SOX4: variants seen among roughly 807,000 people sequenced by gnomAD.
SOX4 encodes the protein transcription factor SOX-4.
For missense variants in SOX4, 662 were observed against 694.9 expected (o/e 0.95, Z 0.53); for synonymous variants, 465 against 348.4 (o/e 1.33, Z -3.73).
Position 21,596,074 on chromosome 6 carries a change from G to T in SOX4, c.*115G>T. On this transcript the variant is annotated 3_prime_UTR_variant, in exon 1 of 1. Coordinates refer to ENST00000244745, the MANE Select transcript of SOX4 (RefSeq NM_003107.3). Reference sequence around the variant, plus strand: ...TTAAAGAGAAAAGGGAAAAAAGAAAGAAAAAGTAAGCAGGGCTGGCTTCGC... The same window carrying T: ...TTAAAGAGAAAAGGGAAAAAAGAAATAAAAAGTAAGCAGGGCTGGCTTCGC... The T allele has an allele frequency of 7.3e-7, 1 of 1,362,068 alleles. No individual in the cohort carries two copies. The highest frequency in any genetic ancestry group is 2.9e-5 in the East Asian group (1 of 34,080). The allele number at this position is 1,362,068 out of a possible 1,614,324, so 84.4% of individuals were successfully genotyped here.
Position 21,595,393 on chromosome 6 carries a change from C to A in SOX4, c.859C>A (p.His287Asn). 31 of 1,537,800 alleles carry A rather than the reference C, an allele frequency of 2.0e-5. No individual in the cohort carries two copies. Among genetic ancestry groups the A allele is most frequent in the Non-Finnish European group, 2.7e-5 (31 of 1,151,260 alleles). Residue 287 changes from histidine (H) to asparagine (N), a missense_variant, in exon 1 of 1, where the codon CAC (histidine) becomes AAC (asparagine). Physicochemically the swap from His to Asn is moderately conservative, Grantham distance 68. Coordinates refer to ENST00000244745, the MANE Select transcript of SOX4 (RefSeq NM_003107.3). ...CGCAGCGCTCGCGGCCCCGGGCAAG[C>A]ACCTGGCGGAGAAGAAGGTGAAGCG... ...ASAALAAPGK[H>N]LAEKKVKRVY... is the part of the protein sequence containing the mutation.
rs763925927 is a variant in SOX4, at chr6:21,595,751, T to C, written c.1217T>C (p.Leu406Pro). The change falls in exon 1 of 1, where the codon CTC becomes CCC. Residue 406 changes from leucine to proline, a missense_variant. By Grantham distance (98) the Leu-to-Pro change is moderately conservative. Transcript: ENST00000244745. ...GACGACGAGTTCGAAGACGACCTGC[T>C]CGACCTGAACCCCAGCTCAAACTTT... ...SSDDEFEDDL[L>P]DLNPSSNFES... The C allele has an allele frequency of 6.2e-7, 1 of 1,613,244 alleles. No individual in the cohort carries two copies.
At position 21,594,873 on chromosome 6, in the gene SOX4, G is replaced by A. The variant is rs148624484; in HGVS notation, c.339G>A (p.Glu113=). The change falls in exon 1 of 1, where the codon GAG becomes GAA. Residue 113 remains glutamate, a synonymous_variant. Transcript: ENST00000244745. ...SDKIPFIREA[E]RLRLKHMADY... is the part of the protein sequence containing the mutation. ...AGATCCCTTTCATTCGAGAGGCGGA[G>A]CGGCTGCGCCTCAAGCACATGGCTG... is the stretch of plus-strand genomic sequence containing the variant. 2.3e-4 allele frequency: 377 copies of A among 1,612,730 alleles called. No individual in the cohort carries two copies. In the African/African-American group the frequency reaches 4.0e-3, roughly 17 times the overall value.
In SOX4 at chr6:21,595,177, C is replaced by A; in HGVS notation, c.643C>A (p.His215Asn). The A allele has an allele frequency of 7.8e-7, 1 of 1,282,752 alleles. No individual in the cohort carries two copies. The allele number at this position is 1,282,752 out of a possible 1,614,324, so 79.5% of individuals were successfully genotyped here. The stretch of plus-strand genomic sequence containing the variant: ...CGCGGGCGGTGGGGTTAGCAAACCG[C>A]ACGCCAAGCTCATCCTGGCAGGCGG... ...GGAGGGVSKPHAKLILAGGGG... is the reference protein window; with the variant it reads ...GGAGGGVSKPNAKLILAGGGG... Residue 215 changes from histidine to asparagine, a missense_variant, in exon 1 of 1, where the codon CAC (histidine) becomes AAC (asparagine). Coordinates refer to ENST00000244745, the MANE Select transcript of SOX4 (RefSeq NM_003107.3).
rs779477648 is a variant in SOX4, at chr6:21,595,396, C to T, written c.862C>T (p.Leu288=). Residue 288 remains leucine, a synonymous_variant, in exon 1 of 1, where the codon CTG becomes TTG. Coordinates refer to ENST00000244745, the MANE Select transcript of SOX4 (RefSeq NM_003107.3). The part of the protein sequence containing the change: ...SAALAAPGKH[L]AEKKVKRVYL... ...AGCGCTCGCGGCCCCGGGCAAGCAC[C>T]TGGCGGAGAAGAAGGTGAAGCGCGT... The T allele has an allele frequency of 1.1e-5, 17 of 1,537,996 alleles. No individual in the cohort carries two copies. The Admixed American group carries it at 1.9e-4, about 17-fold the overall frequency.
Position 21,595,459 on chromosome 6 carries a change from G to A in SOX4, c.925G>A (p.Val309Met). 1.4e-6 allele frequency: 2 copies of A among 1,467,144 alleles called. No homozygotes were observed. The highest frequency in any genetic ancestry group is 1.8e-6 in the Non-Finnish European group (2 of 1,113,842). The allele number at this position is 1,467,144 out of a possible 1,614,324, so 90.9% of individuals were successfully genotyped here. Residue 309 changes from valine (V) to methionine (M), a missense_variant, in exon 1 of 1, where the codon GTG (valine) becomes ATG (methionine). By Grantham distance (21) the Val-to-Met change is conservative. Transcript: ENST00000244745. ...FGGLGTSSSP[V>M]GGVGAGADPS... ...CGGCCTGGGCACGTCGTCGTCGCCC[G>A]TGGGCGGCGTGGGCGCGGGAGCCGA...
In SOX4 at chr6:21,594,133, A is replaced by G. The variant is rs1763082970; in HGVS notation, c.-402A>G. ...ACTGCTTCAGGGAAAAAGAAAAAAAAAAAAAAAAGACTTGCCTGGGAGGCC... is the reference window on the plus strand; with the variant it reads ...ACTGCTTCAGGGAAAAAGAAAAAAAGAAAAAAAAGACTTGCCTGGGAGGCC... On this transcript the variant is annotated 5_prime_UTR_variant, in exon 1 of 1. Transcript: ENST00000244745. 1 of 166,912 alleles carries G rather than the reference A, an allele frequency of 6.0e-6. No individual in the cohort carries two copies. The highest frequency in any genetic ancestry group is 1.3e-5 in the Non-Finnish European group (1 of 78,374). The allele number at this position is 166,912 out of a possible 1,614,324, so 10.3% of individuals were successfully genotyped here.
rs1190873075 is a variant in SOX4, at chr6:21,597,462, C to A, written c.*1503C>A. 1 of 158,316 alleles carries A rather than the reference C, an allele frequency of 6.3e-6. No individual in the cohort carries two copies. Among genetic ancestry groups the A allele is most frequent in the African/African-American group, 2.5e-5 (1 of 39,524 alleles). The allele number at this position is 158,316 out of a possible 1,614,324, so 9.8% of individuals were successfully genotyped here. ...TTTCTTTTGTCCCTTTTTTTCTTTC[C>A]TTTCTTTTTACTTCCTTTATTTCTT... On this transcript the variant is annotated 3_prime_UTR_variant, in exon 1 of 1. Coordinates refer to ENST00000244745, the MANE Select transcript of SOX4 (RefSeq NM_003107.3).
chr6:21,597,784 A>G lies in SOX4; in HGVS notation c.*1825A>G, dbSNP rs755665020. Reference sequence around the variant, plus strand: ...TTTTATAACAGGGCGGCTGGTTAATATCTCACACAGTTTAAAAAATCAGCC... The same window carrying G: ...TTTTATAACAGGGCGGCTGGTTAATGTCTCACACAGTTTAAAAAATCAGCC... On this transcript the variant is annotated 3_prime_UTR_variant, in exon 1 of 1. Coordinates refer to ENST00000244745, the MANE Select transcript of SOX4 (RefSeq NM_003107.3). 4 of 167,004 alleles carry G rather than the reference A, an allele frequency of 2.4e-5. No homozygotes were observed. The highest frequency in any genetic ancestry group is 5.9e-5 in the Non-Finnish European group (4 of 68,098). 10.3% of individuals were successfully genotyped at this position (167,004 alleles called of 1,614,324 possible).
chr6:21,596,730 CAGCAGCGGGAGCT>C lies in SOX4; in HGVS notation c.*774_*786del, dbSNP rs900150139. The C allele has an allele frequency of 7.8e-5, 13 of 167,222 alleles. No individual in the cohort carries two copies. Among genetic ancestry groups the C allele is most frequent in the African/African-American group, 3.1e-4 (13 of 41,432 alleles). The allele number at this position is 167,222 out of a possible 1,614,324, so 10.4% of individuals were successfully genotyped here. A position where few individuals can be genotyped will look rare whatever the true frequency, so the allele number is the denominator to read the frequency against. Reference sequence around the variant, plus strand: ...TGACCCGAGAACCCCGTTGGAAGCGCAGCAGCGGGAGCTAGGGGCGGGGGCGGAGGAGGACACG... The same window carrying C: ...TGACCCGAGAACCCCGTTGGAAGCGCAGGGGCGGGGGCGGAGGAGGACACG... On this transcript the variant is annotated 3_prime_UTR_variant, in exon 1 of 1. Transcript: ENST00000244745.
rs1426323911 is a variant in SOX4, at chr6:21,596,149, G to C, written c.*190G>C. 2.1e-6 allele frequency: 2 copies of C among 935,070 alleles called. No individual in the cohort carries two copies. Among genetic ancestry groups the C allele is most frequent in the Admixed American group, 8.1e-5 (2 of 24,734 alleles). 57.9% of individuals were successfully genotyped at this position (935,070 alleles called of 1,614,324 possible). On this transcript the variant is annotated 3_prime_UTR_variant, in exon 1 of 1. Transcript: ENST00000244745. ...GAGCGCGGCGGCGTTTTGGACCCGC[G>C]CTCCCATCCCCCACCTTCCCGGGCC...
chr6:21,595,685 C>T lies in SOX4; in HGVS notation c.1151C>T (p.Ser384Phe), dbSNP rs763234364. The T allele has an allele frequency of 3.8e-6, 6 of 1,583,166 alleles. No individual in the cohort carries two copies. The highest frequency in any genetic ancestry group is 2.7e-5 in the African/African-American group (2 of 74,208). The change falls in exon 1 of 1, where the codon TCC becomes TTC. Residue 384 changes from serine (S) to phenylalanine (F), a missense_variant. By Grantham distance (155) the Ser-to-Phe change is radical (BLOSUM62 -2). Transcript: ENST00000244745. ...TCGCACGCGTCCTCCTCGGCCTCGT[C>T]CCACTCCTCCTCTTCCTCCTCCTCG... ...APSHASSSAS[S>F]HSSSSSSSGS...
In SOX4 at chr6:21,597,389, C is replaced by T. The variant is rs535034712; in HGVS notation, c.*1430C>T. The T allele has an allele frequency of 2.4e-5, 4 of 166,944 alleles. No homozygotes were observed. The highest frequency in any genetic ancestry group is 9.6e-5 in the African/African-American group (4 of 41,552). 10.3% of individuals were successfully genotyped at this position (166,944 alleles called of 1,614,324 possible). A position where few individuals can be genotyped will look rare whatever the true frequency, so the allele number is the denominator to read the frequency against. ...ATTTCTTTTTCCTTGTAAATGTAAT[C>T]AGATGCCATTTTATATGTGGACGTA... On this transcript the variant is annotated 3_prime_UTR_variant, in exon 1 of 1. Coordinates refer to ENST00000244745, the MANE Select transcript of SOX4 (RefSeq NM_003107.3).
At position 21,596,818 on chromosome 6, in the gene SOX4, A is replaced by T; in HGVS notation, c.*859A>T. 1 of 166,934 alleles carries T rather than the reference A, an allele frequency of 6.0e-6. No homozygotes were observed. The allele number at this position is 166,934 out of a possible 1,614,324, so 10.3% of individuals were successfully genotyped here. A position where few individuals can be genotyped will look rare whatever the true frequency, so the allele number is the denominator to read the frequency against. ...ACTGAAATGGATTTGCACGTTGGGG[A>T]GCTGGCGGCGGCGGCTGCTGGGCCT... On this transcript the variant is annotated 3_prime_UTR_variant, in exon 1 of 1. Transcript: ENST00000244745.
Position 21,597,672 on chromosome 6 carries a change from A to C in SOX4, c.*1713A>C, listed in dbSNP as rs1486967071. On this transcript the variant is annotated 3_prime_UTR_variant, in exon 1 of 1. Coordinates refer to ENST00000244745, the MANE Select transcript of SOX4 (RefSeq NM_003107.3). ...AACAAAAAAAGACAAGAGAGATGAA[A>C]ACGTTTGATTATTTTCTCAGTGTAT... is the stretch of plus-strand genomic sequence containing the variant. 1 of 166,676 alleles carries C rather than the reference A, an allele frequency of 6.0e-6. No homozygotes were observed. Among genetic ancestry groups the C allele is most frequent in the Non-Finnish European group, 1.5e-5 (1 of 68,064 alleles). The allele number at this position is 166,676 out of a possible 1,614,324, so 10.3% of individuals were successfully genotyped here. A position where few individuals can be genotyped will look rare whatever the true frequency, so the allele number is the denominator to read the frequency against.
rs1056766634 is a variant in SOX4, at chr6:21,597,213, A to G, written c.*1254A>G. 1 of 166,774 alleles carries G rather than the reference A, an allele frequency of 6.0e-6. No homozygotes were observed. The highest frequency in any genetic ancestry group is 1.5e-5 in the Non-Finnish European group (1 of 68,078). The allele number at this position is 166,774 out of a possible 1,614,324, so 10.3% of individuals were successfully genotyped here. On this transcript the variant is annotated 3_prime_UTR_variant, in exon 1 of 1. Coordinates refer to ENST00000244745, the MANE Select transcript of SOX4 (RefSeq NM_003107.3). ...TTATCACCAGCTTTTTTTCATTCTT[A>G]ACTCTTTAAAGGATTCAAACGCAAC...
At position 21,597,317 on chromosome 6, in the gene SOX4, T is replaced by G. The variant is rs1763188508; in HGVS notation, c.*1358T>G. On this transcript the variant is annotated 3_prime_UTR_variant, in exon 1 of 1. Transcript: ENST00000244745. The stretch of plus-strand genomic sequence containing the variant: ...TGTGTGTGTTTATTCCTTATAGGTG[T>G]AAATGAGAAGACGTGTTTTTTTCCT... 1 of 167,024 alleles carries G rather than the reference T, an allele frequency of 6.0e-6. No individual in the cohort carries two copies. Among genetic ancestry groups the G allele is most frequent in the African/African-American group, 2.4e-5 (1 of 41,442 alleles). 10.3% of individuals were successfully genotyped at this position (167,024 alleles called of 1,614,324 possible).
At position 21,598,438 on chromosome 6, in the gene SOX4, A is replaced by G. The variant is rs552581661; in HGVS notation, c.*2479A>G. The G allele has an allele frequency of 5.4e-5, 9 of 167,090 alleles. No homozygotes were observed. The highest frequency in any genetic ancestry group is 1.3e-4 in the Non-Finnish European group (9 of 68,110). 10.4% of individuals were successfully genotyped at this position (167,090 alleles called of 1,614,324 possible). On this transcript the variant is annotated 3_prime_UTR_variant, in exon 1 of 1. Transcript: ENST00000244745. ...TTTTTTGCCATCCATCCTGTGCAAT[A>G]TGCCGTGTAGAATATTTGTCTTAAA...
chr6:21,595,224 G>C lies in SOX4; in HGVS notation c.690G>C (p.Ala230=). The C allele has an allele frequency of 2.4e-6, 3 of 1,242,626 alleles. No homozygotes were observed. Among genetic ancestry groups the C allele is most frequent in the Non-Finnish European group, 3.0e-6 (3 of 998,030 alleles). The allele number at this position is 1,242,626 out of a possible 1,614,324, so 77.0% of individuals were successfully genotyped here. Residue 230 remains alanine, a synonymous_variant, in exon 1 of 1, where the codon GCG becomes GCC. Transcript: ENST00000244745. ...GCGGCGGCGGCGGCGGGAAAGCAGC[G>C]GCTGCCGCCGCCGCCTCCTTCGCCG... ...LAGGGGGGKA[A]AAAAASFAAE...
Sources: gnomAD v4.1 joint callset for allele counts on GRCh38, gnomAD v4.1.1 for gene constraint, MANE v1.5 for transcripts, NCBI Gene and HGNC (gene_info 2026-07-23, HGNC 2026-07-21) for gene names.